The following RIF1 variants were observed in gnomAD, a reference collection of about 807,000 sequenced individuals.
RIF1 encodes the protein replication timing regulatory factor 1.
In RIF1, 45 loss-of-function variants were observed where a neutral mutation model predicts 247.1. The observed-to-expected ratio is 0.18, with a 90% CI of 0.14 to 0.23. RIF1 has a LOEUF of 0.23. Among genes scored for constraint, RIF1 ranks in the 10% least tolerant of loss-of-function variants. The pLI, the probability that RIF1 is intolerant of heterozygous loss-of-function variation, is 1.00. For missense variants in RIF1, 2,967 were observed against 2,862.5 expected (o/e 1.04, Z -0.83); for synonymous variants, 1,087 against 978.8 (o/e 1.11, Z -2.06).
At chr2:151,534,191 C>T in the RIF1 span, 4 of 1,583,182 alleles carry the variant, frequency 2.5e-6, no homozygotes, top group South Asian at 3.3e-5. Context: ...CTGCCTGGGC[C>T]ACCGGCCAGC....
chr2:151,495,100 T>TACA (rs1353158061), intron 9 of RIF1: 2 of 152,264 alleles, frequency 1.3e-5, no homozygotes, highest in African/African-American at 4.8e-5. Context: ...TTTAGTTTCA[T>TACA]ACAACATTCA....
At chr2:151,417,270 CCTT>C (rs1246029105) in intron 6 of RIF1, among the ~76,000 whole-genome samples, 1 of 152,080 alleles carries the variant, frequency 6.6e-6, no homozygotes, top group Non-Finnish European at 1.5e-5. Context: ...GAATAGAGTA[CCTT>C]CTTCATTTTT....
At chr2:151,414,511 C>T (rs1459655806) in intron 3 of RIF1, among the ~76,000 whole-genome samples, 1 of 152,112 alleles carries the variant, frequency 6.6e-6, no homozygotes, top group Non-Finnish European at 1.5e-5. Flanking sequence ...AGTGGAAGGG[C>T]CTTGCTCCCT....
chr2:151,423,204 A>G (rs1688463848), intron 8 of RIF1, 162 bp downstream of exon 8: 2 of 564,454 alleles, frequency 3.5e-6, no homozygotes, highest in Admixed American at 4.0e-5. Flanking sequence ...TGAAACCAGT[A>G]CTTGCATTGC....
intron 14 of RIF1, 32 bp from the exon 15 acceptor site, chr2:151,439,995 A>AT: frequency 2.4e-6 from 2 of 830,890 alleles, no homozygotes; most frequent in Non-Finnish European, 3.8e-6. Context: ...AAAAAAAAAA[A>AT]GAACTATACC....
chr2:151,425,599 T>C (rs1688911557), intron 8 of RIF1, among the ~76,000 whole-genome samples: 1 of 151,824 alleles, frequency 6.6e-6, no homozygotes, highest in Non-Finnish European at 1.5e-5. Flanking sequence ...TGCATGCAGA[T>C]GTTCAGATTC....
At chr2:151,433,835 C>T (rs1239172375) in intron 10 of RIF1, among the ~76,000 whole-genome samples, 1 of 151,882 alleles carries the variant, frequency 6.6e-6, no homozygotes, top group African/African-American at 2.4e-5. Flanking sequence ...GTTTTTTCCC[C>T]TAGAGCATTT....
chr2:151,526,307 T>A, the RIF1 span: 1 of 1,292,230 alleles, frequency 7.7e-7, no homozygotes, highest in South Asian at 1.2e-5. Flanking sequence ...CTGCTGGATA[T>A]CCTACATATT....
At chr2:151,533,415 CCTT>C in the RIF1 span, 1 of 1,463,276 alleles carries the variant, frequency 6.8e-7, no homozygotes, top group Non-Finnish European at 9.4e-7. Context: ...TTCTAAACCT[CCTT>C]CTTCACATCC....
intron 10 of RIF1, chr2:151,498,456 G>A: frequency 1.3e-6 from 1 of 750,822 alleles, no homozygotes; most frequent in East Asian, 2.7e-5. Flanking sequence ...GAGTAAGTTA[G>A]AGGAAGAGAA....
chr2:151,419,923 G>T (rs978785727), intron 6 of RIF1, among the ~76,000 whole-genome samples: 5 of 152,086 alleles, frequency 3.3e-5, no homozygotes, highest in Non-Finnish European at 7.4e-5. Flanking sequence ...TTATTGTGAG[G>T]TCCTGGAACC....
intron 12 of RIF1, among the ~76,000 whole-genome samples, chr2:151,504,677 C>A (rs548306000): frequency 6.6e-6 from 1 of 152,266 alleles, no homozygotes; most frequent in East Asian, 1.9e-4. Flanking sequence ...AAACTATTTC[C>A]CAAACTTCAC....
chr2:151,485,716 C>T, downstream of RIF1: 6 of 1,553,744 alleles, frequency 3.9e-6, no homozygotes, highest in Non-Finnish European at 5.2e-6. Context: ...ACATTGACTG[C>T]AGGATCTGTA....
rs1440097741 is a variant in RIF1 at position 151,480,483 on chromosome 2, G to A, written c.*5412G>A. 6.6e-6 allele frequency: 1 copy of A among 152,158 alleles called. No individual in the cohort carries two copies. The highest frequency in any genetic ancestry group is 1.5e-5 in the Non-Finnish European group (1 of 68,012). The allele number at this position is 152,158 out of a possible 1,614,324, so 9.4% of individuals were successfully genotyped here. ...ACTCCTGTATACTTCAGAAATAGCT[G>A]ATAGCCTATAGTCTCTGAGAGCTAT... On this transcript the variant is annotated 3_prime_UTR_variant, in exon 36 of 36. Transcript: ENST00000444746.
intron 7 of RIF1, among the ~76,000 whole-genome samples, chr2:151,420,915 T>C (rs879419030): frequency 3.2e-4 from 48 of 152,280 alleles, no homozygotes; most frequent in Non-Finnish European, 5.7e-4. Context: ...TTTTACTTCA[T>C]TCCCAATAAA....
chr2:151,429,062 TA>T, intron 9 of RIF1, 140 bp downstream of exon 9: 2 of 600,862 alleles, frequency 3.3e-6, no homozygotes, highest in Non-Finnish European at 5.8e-6. Flanking sequence ...GGAACAGGAA[TA>T]AATTTGTACT....
rs1331523919 is a variant in RIF1 at position 151,479,747 on chromosome 2, A to G, written c.*4676A>G. The G allele has an allele frequency of 6.6e-6, 1 of 152,172 alleles. No individual in the cohort carries two copies. Among genetic ancestry groups the G allele is most frequent in the Non-Finnish European group, 1.5e-5 (1 of 68,022 alleles). 9.4% of individuals were successfully genotyped at this position (152,172 alleles called of 1,614,324 possible). Reference sequence around the variant, plus strand: ...TCTTGGAATTCTGTTAAGGTGTTAGATTTTCCTCACATATTTAAATAATCT... The same window carrying G: ...TCTTGGAATTCTGTTAAGGTGTTAGGTTTTCCTCACATATTTAAATAATCT... On this transcript the variant is annotated 3_prime_UTR_variant, in exon 36 of 36. Coordinates refer to ENST00000444746, the MANE Select transcript of RIF1 (RefSeq NM_018151.5).
intron 9 of RIF1, chr2:151,493,074 C>T: frequency 2.9e-6 from 1 of 339,206 alleles, no homozygotes; most frequent in Non-Finnish European, 5.4e-6. Flanking sequence ...GTAGAACTAC[C>T]TCAAAGTATA....
chr2:151,527,367 G>A, the RIF1 span: 1 of 895,030 alleles, frequency 1.1e-6, no homozygotes, highest in Non-Finnish European at 1.7e-6. Flanking sequence ...CTCCTTCTCG[G>A]ATCTCAAACG....
Sources: gnomAD v4.1 joint callset for allele counts (sites outside exome capture counted in the v4.1 genomes callset) on GRCh38, gnomAD v4.1.1 for gene constraint, MANE v1.5 for transcripts, NCBI Gene and HGNC (gene_info 2026-07-23, HGNC 2026-07-21) for gene names.